FBXL2: variants seen among roughly 807,000 people sequenced by gnomAD.
FBXL2 encodes the protein F-box/LRR-repeat protein 2.
FBXL2 carries 38 observed loss-of-function variants against 69.2 expected under a neutral mutation model. The ratio of observed to expected loss-of-function variants is 0.55; its 90% CI spans 0.42 to 0.72. The LOEUF (loss-of-function observed/expected upper bound fraction) is 0.72. FBXL2 is among the 30% of genes least tolerant of loss of function. FBXL2 has a pLI of 0.00. For missense variants in FBXL2, 354 were observed against 520.3 expected (o/e 0.68, Z 3.11); for synonymous variants, 192 against 201.3 (o/e 0.95, Z 0.39).
intron 9 of FBXL2, among the ~76,000 whole-genome samples, 185 bp from the exon 10 acceptor site, chr3:33,375,103 T>C (rs2042551063): frequency 6.6e-6 from 1 of 152,252 alleles, no homozygotes; most frequent in South Asian, 2.1e-4. Flanking sequence ...ATTGCTGAAA[T>C]ATTTTAAAGC....
At chr3:33,332,054 A>G (rs2039207829) in intron 2 of FBXL2, among the ~76,000 whole-genome samples, 1 of 152,200 alleles carries the variant, frequency 6.6e-6, no homozygotes, top group Non-Finnish European at 1.5e-5. Flanking sequence ...TTGAAAAAGC[A>G]TATCAGGTTC....
intron 2 of FBXL2, among the ~76,000 whole-genome samples, chr3:33,334,734 A>G (rs1276446513): frequency 1.3e-5 from 2 of 152,156 alleles, no homozygotes. Flanking sequence ...TTAAATTACT[A>G]GAAACCAACG....
downstream of FBXL2, among the ~76,000 whole-genome samples, chr3:33,408,361 T>C (rs1212853172): frequency 1.3e-5 from 2 of 152,054 alleles, no homozygotes; most frequent in Non-Finnish European, 2.9e-5. Flanking sequence ...TTCAGTGCTC[T>C]TGAAGGAGGT....
At chr3:33,396,280 C>A (rs761628063) in intron 12 of FBXL2, 1 of 1,571,986 alleles carries the variant, frequency 6.4e-7, no homozygotes, top group Non-Finnish European at 8.7e-7. Context: ...GTCTAACCGA[C>A]CTGCAATCAG....
At chr3:33,407,605 A>C (rs772656440), downstream of FBXL2, among the ~76,000 whole-genome samples, 1 of 152,054 alleles carries the variant, frequency 6.6e-6, no homozygotes, top group Non-Finnish European at 1.5e-5. Context: ...CAGTGGCACT[A>C]GGATGAGTAC....
At chr3:33,285,329 G>C (rs995294606) in intron 1 of FBXL2, among the ~76,000 whole-genome samples, 1 of 152,096 alleles carries the variant, frequency 6.6e-6, no homozygotes, top group African/African-American at 2.4e-5. Flanking sequence ...TGAAATTCTG[G>C]GTTGAAAATT....
At chr3:33,411,443 T>G in the FBXL2 span, 1 of 684,944 alleles carries the variant, frequency 1.5e-6, no homozygotes, top group Admixed American at 2.8e-5. Flanking sequence ...AGATTAAACC[T>G]AACTATGTAT....
At chr3:33,337,917 A>G (rs976536965) in intron 2 of FBXL2, among the ~76,000 whole-genome samples, 1 of 152,222 alleles carries the variant, frequency 6.6e-6, no homozygotes, top group Non-Finnish European at 1.5e-5. Flanking sequence ...AGGGAAGTGA[A>G]AGATCTCTAC....
At chr3:33,286,204 A>G (rs1041407924) in intron 1 of FBXL2, among the ~76,000 whole-genome samples, 15 of 152,216 alleles carry the variant, frequency 9.9e-5, no homozygotes, top group African/African-American at 3.6e-4. Context: ...GGTGATGTAC[A>G]GATAGGGTTT....
At chr3:33,296,184 G>A (rs767794333) in intron 1 of FBXL2, among the ~76,000 whole-genome samples, 1 of 152,122 alleles carries the variant, frequency 6.6e-6, no homozygotes, top group Non-Finnish European at 1.5e-5. Context: ...TCCCACCTCA[G>A]CCTCCTGAGT....
intron 13 of FBXL2, among the ~76,000 whole-genome samples, chr3:33,379,047 G>A (rs915321569): frequency 1.4e-4 from 21 of 150,426 alleles, no homozygotes; most frequent in African/African-American, 4.9e-4. Context: ...TCACTCTATC[G>A]CCTAGGGTGG....
intron 2 of FBXL2, among the ~76,000 whole-genome samples, chr3:33,312,803 AAGAG>A (rs886730480): frequency 9.2e-5 from 14 of 152,158 alleles, no homozygotes; most frequent in Admixed American, 9.2e-4. Flanking sequence ...TTTCAGGAAT[AAGAG>A]AGGAGATATC....
intron 2 of FBXL2, among the ~76,000 whole-genome samples, chr3:33,307,665 T>C (rs2036838305): frequency 6.6e-6 from 1 of 151,910 alleles, no homozygotes; most frequent in African/African-American, 2.4e-5. Context: ...TACAACCTAC[T>C]CTCAAACATT....
chr3:33,319,869 A>T (rs1469304148), intron 2 of FBXL2, among the ~76,000 whole-genome samples: 1 of 152,214 alleles, frequency 6.6e-6, no homozygotes, highest in East Asian at 1.9e-4. Context: ...CATTTACCTA[A>T]ATTCAGACAT....
chr3:33,340,834 G>T (rs551794372), intron 2 of FBXL2, among the ~76,000 whole-genome samples: 1 of 146,060 alleles, frequency 6.8e-6, no homozygotes, highest in East Asian at 2.1e-4. Flanking sequence ...GGAGGTTGCA[G>T]TGAGCTGAGA....
At chr3:33,289,116 C>T (rs1015008085) in intron 1 of FBXL2, among the ~76,000 whole-genome samples, 1 of 151,936 alleles carries the variant, frequency 6.6e-6, no homozygotes, top group African/African-American at 2.4e-5. Context: ...GAAGAGACTT[C>T]GAGTTTATCT....
chr3:33,416,896 A>T, the FBXL2 span: 1 of 1,350,104 alleles, frequency 7.4e-7, no homozygotes, highest in Non-Finnish European at 1.1e-6. Flanking sequence ...TGCTTAACAT[A>T]ATTCAAAATG....
intron 12 of FBXL2, among the ~76,000 whole-genome samples, chr3:33,402,085 A>G (rs1289974028): frequency 6.6e-6 from 1 of 152,310 alleles, no homozygotes; most frequent in East Asian, 1.9e-4. Context: ...TTGTGATCTT[A>G]GCTTTCATAA....
At chr3:33,397,519 T>A (rs2044050904) in intron 12 of FBXL2, 1 of 156,070 alleles carries the variant, frequency 6.4e-6, no homozygotes, top group African/African-American at 2.4e-5. Flanking sequence ...CCCGGGCCAG[T>A]CAATCTTTAA....
Sources: gnomAD v4.1 joint callset for allele counts (sites outside exome capture counted in the v4.1 genomes callset) on GRCh38, gnomAD v4.1.1 for gene constraint, MANE v1.5 for transcripts, NCBI Gene and HGNC (gene_info 2026-07-23, HGNC 2026-07-21) for gene names.